Variants in CASK observed in about 807,000 individuals in gnomAD.
CASK encodes calcium/calmodulin dependent serine protein kinase, also known as peripheral plasma membrane protein CASK.
A neutral mutation model predicts 82.9 loss-of-function variants in CASK; 4 were observed. That is an observed-to-expected ratio of 0.05 (90% CI 0.02 to 0.11). The LOEUF is 0.11. Ranked by LOEUF, CASK falls within the 10% of genes least tolerant of loss-of-function variation. The pLI is 1.00. For missense variants in CASK, 358 were observed against 720.9 expected (o/e 0.50, Z 5.76); for synonymous variants, 259 against 253.5 (o/e 1.02, Z -0.20).
At chrX:41,753,539 GAAGTA>G (rs747087133) in intron 3 of CASK, among the ~76,000 whole-genome samples, 37 of 112,284 alleles carry the variant, frequency 3.3e-4, no homozygotes, top group African/African-American at 1.1e-3. Context: ...AGAAATTAAT[GAAGTA>G]AAGAGACAAA....
chrX:41,576,372 C>G (rs949407697), intron 15 of CASK, among the ~76,000 whole-genome samples: 1 of 110,972 alleles, frequency 9.0e-6, no homozygotes, highest in Non-Finnish European at 1.9e-5. Context: ...CACTCTGAGG[C>G]CTCCTTCTTG....
chrX:41,920,004 C>T (rs1156435266), intron 1 of CASK, among the ~76,000 whole-genome samples: 2 of 112,050 alleles, frequency 1.8e-5, no homozygotes, highest in South Asian at 3.7e-4. Context: ...CTAAATTAAA[C>T]GAGAACTTTC....
intron 3 of CASK, among the ~76,000 whole-genome samples, chrX:41,774,665 T>C (rs1370151933): frequency 5.4e-5 from 6 of 110,874 alleles, no homozygotes; most frequent in Admixed American, 9.6e-5. Context: ...CAAAACAGCA[T>C]GGTACTGGTA....
chrX:41,609,926 T>C lies in CASK; in HGVS notation c.1133A>G (p.Gln378Arg). The change falls in exon 12 of 27, where the codon CAG becomes CGG. Residue 378 changes from glutamine to arginine, a missense_variant. Physicochemically the swap from Gln to Arg is conservative, Grantham distance 43. Coordinates refer to ENST00000378163, the MANE Select transcript of CASK (RefSeq NM_001367721.1). ...LDFLHSVFQD[Q>R]HLHTLLDLYD... ...TACATCTAGTAGTGTGTGAAGATGCTGATCCTGGAAAACACTGTGTAGAAA... is the reference window on the plus strand; with the variant it reads ...TACATCTAGTAGTGTGTGAAGATGCCGATCCTGGAAAACACTGTGTAGAAA... The C allele has an allele frequency of 8.3e-7, 1 of 1,209,108 alleles. No homozygotes were observed. The highest frequency in any genetic ancestry group is 1.1e-6 in the Non-Finnish European group (1 of 892,951).
intron 3 of CASK, among the ~76,000 whole-genome samples, chrX:41,759,767 C>T (rs890975639): frequency 1.7e-4 from 19 of 111,032 alleles, no homozygotes; most frequent in African/African-American, 4.9e-4. Flanking sequence ...TTTGTTTCTT[C>T]GAAAAAAAGA....
intron 1 of CASK, among the ~76,000 whole-genome samples, chrX:41,897,067 G>A (rs1033724474): frequency 8.1e-5 from 9 of 111,457 alleles, no homozygotes; most frequent in Non-Finnish European, 1.7e-4. Context: ...TCTGCAAACC[G>A]AAAATTTTAT....
At chrX:41,825,389 C>G (rs1301881412) in intron 2 of CASK, among the ~76,000 whole-genome samples, 1 of 111,351 alleles carries the variant, frequency 9.0e-6, no homozygotes, top group Non-Finnish European at 1.9e-5. Context: ...CTCTAGATAC[C>G]CAGCAAATAC....
chrX:41,902,337 G>A (rs2072398665), intron 1 of CASK, among the ~76,000 whole-genome samples: 2 of 111,354 alleles, frequency 1.8e-5, no homozygotes, highest in South Asian at 3.8e-4. Context: ...CTTCAGGGGA[G>A]AAGCTTTTCC....
chrX:41,885,393 A>AG (rs2072030926), intron 1 of CASK, among the ~76,000 whole-genome samples: 2 of 112,235 alleles, frequency 1.8e-5, no homozygotes, highest in Non-Finnish European at 3.8e-5. Context: ...TTCTACACAT[A>AG]TTAAGTAACT....
intron 3 of CASK, 24 bp from the exon 4 acceptor site, chrX:41,745,625 C>A: frequency 1.8e-6 from 2 of 1,090,878 alleles, no homozygotes; most frequent in Non-Finnish European, 2.5e-6. Flanking sequence ...TGAAAAAGAA[C>A]ATAAGAAAAG....
chrX:41,775,860 G>T (rs1189217737), intron 3 of CASK, among the ~76,000 whole-genome samples: 1 of 80,446 alleles, frequency 1.2e-5, no homozygotes, highest in Non-Finnish European at 2.3e-5. Context: ...ACAGGAAGGG[G>T]AACATCACAC....
chrX:41,921,923 G>A (rs1468143875), intron 1 of CASK, among the ~76,000 whole-genome samples: 1 of 102,615 alleles, frequency 9.7e-6, no homozygotes, highest in Non-Finnish European at 2.0e-5. Flanking sequence ...TAGCTCTAGC[G>A]ATCCTTATTA....
intron 1 of CASK, among the ~76,000 whole-genome samples, chrX:41,909,897 G>A (rs187475337): frequency 3.9e-4 from 43 of 110,352 alleles, no homozygotes; most frequent in Non-Finnish European, 8.0e-4. Flanking sequence ...GTGAGCCACC[G>A]TGCCCAGCCA....
Position 41,531,197 on chromosome X carries a change from G to C in CASK, c.2330C>G (p.Pro777Arg), listed in dbSNP as rs775519672. The part of the protein sequence containing the change: ...FAYPIPHTTR[P>R]PKKDEENGKN... ...TCCATTTTCTTCGTCTTTCTTTGGA[G>C]GTCTGGTTGTATCTGCAAAGTCGCA... The change falls in exon 25 of 27, where the codon CCT becomes CGT. Residue 777 changes from proline to arginine, a missense_variant. Coordinates refer to ENST00000378163, the MANE Select transcript of CASK (RefSeq NM_001367721.1). The C allele has an allele frequency of 2.5e-6, 3 of 1,208,737 alleles. No homozygotes were observed. Among genetic ancestry groups the C allele is most frequent in the Non-Finnish European group, 3.4e-6 (3 of 892,558 alleles).
chrX:41,752,451 A>G (rs961881728), intron 3 of CASK, among the ~76,000 whole-genome samples: 3 of 110,137 alleles, frequency 2.7e-5, no homozygotes, highest in Non-Finnish European at 5.7e-5. Context: ...CCTCACGTCC[A>G]GCTAATTTCT....
chrX:41,669,377 C>G (rs947541105), intron 6 of CASK, among the ~76,000 whole-genome samples: 1 of 110,820 alleles, frequency 9.0e-6, no homozygotes, highest in Admixed American at 9.6e-5. Context: ...CTATTTTCCC[C>G]CCCAGTCAAG....
intron 4 of CASK, among the ~76,000 whole-genome samples, chrX:41,740,202 C>G (rs2068570980): frequency 8.9e-6 from 1 of 111,806 alleles, no homozygotes; most frequent in African/African-American, 3.2e-5. Context: ...ACCTCCTTCT[C>G]CTATTTCTAA....
chrX:41,736,216 C>G (rs892783203), intron 5 of CASK, among the ~76,000 whole-genome samples: 1 of 112,076 alleles, frequency 8.9e-6, no homozygotes. Flanking sequence ...ATATCAACAC[C>G]GGGCGCGGTG....
rs1283916860 is a variant in CASK at position 41,787,216 on chromosome X, T to C, written c.240A>G (p.Thr80=). 3.4e-6 allele frequency: 4 copies of C among 1,190,253 alleles called. No individual in the cohort carries two copies. Residue 80 remains threonine, a synonymous_variant, in exon 3 of 27, where the codon ACA becomes ACG. Transcript: ENST00000378163. ...TGTAAAGCATTCCATCTGAGCTATA[T>C]GTCTCCAATAACTCTACAATGTGTG... ...KHPHIVELLE[T]YSSDGMLYMV... is the part of the protein sequence containing the mutation.
Sources: gnomAD v4.1 joint callset for allele counts (sites outside exome capture counted in the v4.1 genomes callset) on GRCh38, gnomAD v4.1.1 for gene constraint, MANE v1.5 for transcripts, NCBI Gene and HGNC (gene_info 2026-07-23, HGNC 2026-07-21) for gene names.